Variants in LIFR observed in about 807,000 individuals in gnomAD.
The protein encoded by LIFR is LIF receptor subunit alpha, also known as leukemia inhibitory factor receptor.
Under a neutral mutation model 122.2 loss-of-function variants are expected in LIFR, and 84 were observed. That is an observed-to-expected ratio of 0.69 (90% CI 0.58 to 0.82). The LOEUF (loss-of-function observed/expected upper bound fraction) is 0.82, where lower values mean the gene tolerates loss of function less well. Among genes scored for constraint, LIFR ranks in the 40% least tolerant of loss-of-function variants. LIFR has a pLI of 0.00. For synonymous variants in LIFR, 422 were observed against 434.7 expected (o/e 0.97, Z 0.36); for missense variants, 1,294 against 1,311.6 (o/e 0.99, Z 0.21).
intron 1 of LIFR, among the ~76,000 whole-genome samples, chr5:38,552,903 G>C (rs1032554763): frequency 6.6e-6 from 1 of 152,212 alleles, no homozygotes; most frequent in African/African-American, 2.4e-5. Flanking sequence ...CCCACTATGT[G>C]ATGAAGGTGG....
intron 12 of LIFR, 82 bp downstream of exon 12, chr5:38,499,431 T>C: frequency 1.0e-6 from 1 of 964,912 alleles, no homozygotes; most frequent in Non-Finnish European, 1.7e-6. Context: ...AAGTTTCAGC[T>C]CCTTGATAAC....
intron 1 of LIFR, among the ~76,000 whole-genome samples, chr5:38,586,190 C>A (rs77525851): frequency 1.3e-5 from 2 of 152,044 alleles, no homozygotes; most frequent in African/African-American, 4.8e-5. Context: ...AATGAAAAGC[C>A]CCCATTTTAA....
chr5:38,506,640 A>G lies in LIFR; in HGVS notation c.992-8T>C, dbSNP rs1044349369. The G allele has an allele frequency of 6.2e-7, 1 of 1,604,330 alleles. No homozygotes were observed. ...GAGGAGTATCTGGTGGATCTAACAG[A>G]AAAAAAATGCAGGTACTTATGATTA... On this transcript the variant is annotated splice_region_variant and splice_polypyrimidine_tract_variant and intron_variant, in intron 7 of 19. Coordinates refer to ENST00000453190, the MANE Select transcript of LIFR (RefSeq NM_001127671.2).
intron 1 of LIFR, chr5:38,554,977 C>T (rs1459678278): frequency 6.6e-6 from 1 of 152,192 alleles, no homozygotes; most frequent in African/African-American, 2.4e-5. Flanking sequence ...CTCCACTAAT[C>T]AAGAGGCTTG....
At chr5:38,595,753 A>G (rs1278281629), upstream of LIFR, among the ~76,000 whole-genome samples, 1 of 130,228 alleles carries the variant, frequency 7.7e-6, no homozygotes, top group Non-Finnish European at 1.7e-5. Flanking sequence ...TTTTTTTTGA[A>G]ACAGAGTCTC....
intron 4 of LIFR, among the ~76,000 whole-genome samples, chr5:38,526,658 A>C (rs1368375144): frequency 1.3e-5 from 2 of 151,964 alleles, no homozygotes. Flanking sequence ...CCTTACACTC[A>C]CCTAATTTGC....
At chr5:38,489,698 T>A (rs2112395705) in intron 15 of LIFR, among the ~76,000 whole-genome samples, 1 of 152,122 alleles carries the variant, frequency 6.6e-6, no homozygotes. Flanking sequence ...AACAAATGAT[T>A]TCAGAGTAAG....
At chr5:38,502,929 T>C in intron 10 of LIFR, 130 bp from the exon 11 acceptor site, 1 of 452,088 alleles carries the variant, frequency 2.2e-6, no homozygotes, top group Non-Finnish European at 3.7e-6. Flanking sequence ...ACCAACGGAA[T>C]GTCAATGAGT....
intron 1 of LIFR, among the ~76,000 whole-genome samples, chr5:38,533,303 A>T (rs1747117256): frequency 6.6e-6 from 1 of 152,246 alleles, no homozygotes; most frequent in African/African-American, 2.4e-5. Context: ...AATCATGCAG[A>T]ATAAATCTGT....
chr5:38,486,659 T>A (rs1744300353), intron 16 of LIFR, among the ~76,000 whole-genome samples: 1 of 152,186 alleles, frequency 6.6e-6, no homozygotes, highest in Non-Finnish European at 1.5e-5. Flanking sequence ...CTACAACCAC[T>A]GTAAAAGCCA....
At chr5:38,605,500 A>G (rs1750309801) in intron 2 of LIFR, among the ~76,000 whole-genome samples, 1 of 152,178 alleles carries the variant, frequency 6.6e-6, no homozygotes, top group South Asian at 2.1e-4. Context: ...TTCATGTAGA[A>G]TTTAGAAGCA....
intron 1 of LIFR, among the ~76,000 whole-genome samples, chr5:38,581,853 C>G (rs1038762543): frequency 1.3e-5 from 2 of 152,136 alleles, no homozygotes; most frequent in African/African-American, 4.8e-5. Context: ...ATAATGTGAT[C>G]TCGCACAGTA....
At chr5:38,595,727 C>CTT (rs70978897), upstream of LIFR, among the ~76,000 whole-genome samples, 2,541 of 91,968 alleles carry the variant, frequency 0.028, 129 homozygotes, top group Non-Finnish European at 0.036. Context: ...CACAATAGGT[C>CTT]TTTTTTTTTT....
At chr5:38,596,454 G>A (rs908011637), upstream of LIFR, among the ~76,000 whole-genome samples, 2 of 152,156 alleles carry the variant, frequency 1.3e-5, no homozygotes, top group Admixed American at 6.5e-5. Flanking sequence ...CAGGTGCCTG[G>A]GCCCCACCTC....
At chr5:38,502,522 G>A in intron 11 of LIFR, 115 bp downstream of exon 11, 2 of 861,130 alleles carry the variant, frequency 2.3e-6, no homozygotes, top group Non-Finnish European at 3.9e-6. Context: ...GCCTCCCAAA[G>A]TGCTGGGATT....
At chr5:38,483,718 T>C (rs948727604) in intron 18 of LIFR, among the ~76,000 whole-genome samples, 4 of 152,248 alleles carry the variant, frequency 2.6e-5, no homozygotes, top group African/African-American at 9.6e-5. Flanking sequence ...CGTGAGCCAC[T>C]GCACCCGGCC....
intron 2 of LIFR, among the ~76,000 whole-genome samples, chr5:38,601,058 T>A (rs1439746878): frequency 6.6e-6 from 1 of 152,198 alleles, no homozygotes; most frequent in Non-Finnish European, 1.5e-5. Context: ...GAAACATATG[T>A]CTATCTCATG....
intron 1 of LIFR, among the ~76,000 whole-genome samples, chr5:38,564,725 ACACACACAC>A (rs747518957): frequency 0.053 from 7,554 of 142,564 alleles, 186 homozygotes; most frequent in Non-Finnish European, 0.061. Context: ...ATATATATAT[ACACACACAC>A]TACACACACA....
chr5:38,531,013 A>T (rs1277328159), intron 1 of LIFR: 2 of 197,946 alleles, frequency 1.0e-5, no homozygotes, highest in Non-Finnish European at 2.1e-5. Flanking sequence ...TGAATTTTTG[A>T]CAATTTTAAG....
Sources: gnomAD v4.1 joint callset for allele counts (sites outside exome capture counted in the v4.1 genomes callset) on GRCh38, gnomAD v4.1.1 for gene constraint, MANE v1.5 for transcripts, NCBI Gene and HGNC (gene_info 2026-07-23, HGNC 2026-07-21) for gene names.